Variants in WDR62 observed in about 807,000 individuals in gnomAD.
WDR62 encodes the protein WD repeat-containing protein 62.
Under a neutral mutation model 160.6 loss-of-function variants are expected in WDR62, and 112 were observed. The ratio of observed to expected loss-of-function variants is 0.70; its 90% CI spans 0.60 to 0.82. WDR62 has a LOEUF of 0.82. Among genes scored for constraint, WDR62 ranks in the 40% least tolerant of loss-of-function variants. The pLI is 0.00. For missense variants in WDR62, 1,819 were observed against 1,983.8 expected, an observed-to-expected ratio of 0.92 and a Z score of 1.58; for synonymous variants, 792 against 815.1, an observed-to-expected ratio of 0.97 and a Z score of 0.48.
intron 20 of WDR62, among the ~76,000 whole-genome samples, chr19:36,095,757 G>A (rs1316717272): frequency 6.6e-6 from 1 of 152,230 alleles, no homozygotes; most frequent in East Asian, 1.9e-4. Flanking sequence ...CTGCGCCACT[G>A]CACTCCAGCC....
chr19:36,086,598 G>A (rs1332336940), intron 12 of WDR62, 89 bp from the exon 13 acceptor site: 5 of 1,498,342 alleles, frequency 3.3e-6, no homozygotes, highest in Non-Finnish European at 2.7e-6. Flanking sequence ...CCTTCTCCGA[G>A]GACTGGGCAG....
Position 36,060,042 on chromosome 19 carries a change from C to T in WDR62, c.332+12C>T, listed in dbSNP as rs1212687397. On this transcript the variant is annotated intron_variant, in intron 3 of 31. Coordinates refer to ENST00000401500, the MANE Select transcript of WDR62 (RefSeq NM_001083961.2). ...TTTAACACCGCCAGGTAGGCTGAGG[C>T]CTGGGCCCGGGGCAGGGGTGGAACC... 1.9e-6 allele frequency: 3 copies of T among 1,614,070 alleles called. No homozygotes were observed. The highest frequency in any genetic ancestry group is 1.1e-5 in the South Asian group (1 of 91,086).
chr19:36,064,222 A>AT (rs1334606162), intron 3 of WDR62, among the ~76,000 whole-genome samples: 2 of 152,324 alleles, frequency 1.3e-5, no homozygotes, highest in Middle Eastern at 3.4e-3. Context: ...CCTGCATGTC[A>AT]TAAGTCCAGA....
chr19:36,098,822 C>T (rs938451968), intron 21 of WDR62, among the ~76,000 whole-genome samples: 1 of 152,164 alleles, frequency 6.6e-6, no homozygotes, highest in Non-Finnish European at 1.5e-5. Context: ...GTTCATGAAT[C>T]CCAGCTGGGC....
chr19:36,069,124 G>C (rs1343123439), intron 7 of WDR62, among the ~76,000 whole-genome samples: 1 of 148,188 alleles, frequency 6.7e-6, no homozygotes, highest in African/African-American at 2.5e-5. Context: ...GGCGGGGGCT[G>C]ACTCCCCCCA....
In WDR62 at chr19:36,084,683, G is replaced by A. The variant is rs1972099246; in HGVS notation, c.1581G>A (p.Leu527=). ...RIHELHFMDE[L]VKVEAHDAEV... Reference sequence around the variant, plus strand: ...ACGAGCTGCACTTCATGGACGAGCTGGTCAAGGTGGAGGCCCATGATGCTG... The same window carrying A: ...ACGAGCTGCACTTCATGGACGAGCTAGTCAAGGTGGAGGCCCATGATGCTG... Residue 527 remains leucine, a synonymous_variant, in exon 12 of 32, where the codon CTG becomes CTA. Transcript: ENST00000401500. The A allele has an allele frequency of 6.2e-7, 1 of 1,613,964 alleles. No individual in the cohort carries two copies. Among genetic ancestry groups the A allele is most frequent in the Non-Finnish European group, 8.5e-7 (1 of 1,180,014 alleles).
Position 36,054,930 on chromosome 19 carries a change from G to A in WDR62, c.-42G>A. 2 of 1,552,260 alleles carry A rather than the reference G, an allele frequency of 1.3e-6. No individual in the cohort carries two copies. Among genetic ancestry groups the A allele is most frequent in the South Asian group, 1.2e-5 (1 of 85,404 alleles). ...AGTGGGTCGTGGCGGTGGCGGCAGC[G>A]GCGGTTAGGGGATGTAACGGTCGCC... is the stretch of plus-strand genomic sequence containing the variant. On this transcript the variant is annotated 5_prime_UTR_variant, in exon 1 of 32. Transcript: ENST00000401500.
In WDR62 at chr19:36,060,011, C is replaced by T; in HGVS notation, c.313C>T (p.His105Tyr). 6.2e-7 allele frequency: 1 copy of T among 1,614,222 alleles called. No individual in the cohort carries two copies. The highest frequency in any genetic ancestry group is 8.5e-7 in the Non-Finnish European group (1 of 1,180,050). ...ILDPKENKQQ[H>Y]IFNTARKSLS... ...GGACCCCAAGGAGAACAAGCAGCAG[C>T]ACATCTTTAACACCGCCAGGTAGGC... The change falls in exon 3 of 32, where the codon CAC becomes TAC. Residue 105 changes from histidine to tyrosine, a missense_variant. His to Tyr is a moderately conservative substitution (Grantham distance 83). This residue lies in a region of WDR62 where 934 missense variants were observed against 1,157.2 expected (regional missense o/e 0.81). Coordinates refer to ENST00000401500, the MANE Select transcript of WDR62 (RefSeq NM_001083961.2).
In WDR62 at chr19:36,066,268, G is replaced by T. The variant is rs752398495; in HGVS notation, c.402G>T (p.Arg134Ser). The change falls in exon 5 of 32, where the codon AGG (arginine) becomes AGT (serine). Residue 134 changes from arginine to serine, a missense_variant. By Grantham distance (110) the Arg-to-Ser change is moderately radical. Transcript: ENST00000401500. The stretch of plus-strand genomic sequence containing the variant: ...CCCACCTTCCCTAGAATGGGCATAG[G>T]CCTGCTGTGCGCATCTGGGATGTGG... The part of the protein sequence containing the change: ...KYIVTGENGH[R>S]PAVRIWDVEE... The T allele has an allele frequency of 6.2e-7, 1 of 1,614,208 alleles. No individual in the cohort carries two copies. The highest frequency in any genetic ancestry group is 2.2e-5 in the East Asian group (1 of 44,894).
At chr19:36,098,228 C>T (rs1306360588) in intron 21 of WDR62, among the ~76,000 whole-genome samples, 1 of 151,378 alleles carries the variant, frequency 6.6e-6, no homozygotes, top group Non-Finnish European at 1.5e-5. Context: ...TGCTACTGCA[C>T]TCCAGCTTGG....
rs200939815 is a variant in WDR62 at position 36,067,924 on chromosome 19, G to A, written c.796G>A (p.Ala266Thr). The A allele has an allele frequency of 1.9e-6, 3 of 1,614,196 alleles. No homozygotes were observed. Among genetic ancestry groups the A allele is most frequent in the Middle Eastern group, 3.3e-4 (2 of 6,060 alleles). The change falls in exon 7 of 32, where the codon GCG becomes ACG. Residue 266 changes from alanine to threonine, a missense_variant. Transcript: ENST00000401500. The part of the protein sequence containing the change: ...CGVACGRGRM[A>T]GSTFCVSYSG... The stretch of plus-strand genomic sequence containing the variant: ...TGTGGCCTGCGGTCGGGGCCGGATG[G>A]CGGGCAGTACCTTCTGTGTGTCCTA...
intron 25 of WDR62, 109 bp downstream of exon 25, chr19:36,101,883 CG>C: frequency 6.5e-7 from 1 of 1,533,422 alleles, no homozygotes; most frequent in South Asian, 1.1e-5. Flanking sequence ...GCCTGGAAGA[CG>C]GGGATCCCTG....
chr19:36,078,155 T>TTTG (rs1471650369), intron 9 of WDR62, among the ~76,000 whole-genome samples: 1 of 151,450 alleles, frequency 6.6e-6, no homozygotes, highest in African/African-American at 2.4e-5. Flanking sequence ...TTTTTTTGTT[T>TTTG]TTTTTTTTTT....
chr19:36,102,347 G>A (rs750392141), intron 26 of WDR62, 196 bp downstream of exon 26: 6 of 734,686 alleles, frequency 8.2e-6, no homozygotes, highest in South Asian at 3.3e-5. Flanking sequence ...TGCAACCTCC[G>A]ACTCCCTGGT....
chr19:36,102,014 G>A lies in WDR62; in HGVS notation c.3083G>A (p.Gly1028Glu), dbSNP rs1291955558. The change falls in exon 26 of 32, where the codon GGA (glycine) becomes GAA (glutamate). Residue 1028 changes from glycine to glutamate, a missense_variant and splice_region_variant. Physicochemically the swap from Gly to Glu is moderately conservative, Grantham distance 98. Around this residue, in one of 3 missense-constraint regions of WDR62, gnomAD observed 770 missense variants for 734.2 expected, o/e 1.05. Coordinates refer to ENST00000401500, the MANE Select transcript of WDR62 (RefSeq NM_001083961.2). The stretch of plus-strand genomic sequence containing the variant: ...TGTCCCTCCCCTCCTTCCCTGTCAG[G>A]ATGCGCAGGTCCCACAGAAGATGAG... ...RFATSLPHFP[G>E]CAGPTEDELS... 2.5e-6 allele frequency: 4 copies of A among 1,614,118 alleles called. No individual in the cohort carries two copies. The highest frequency in any genetic ancestry group is 3.4e-6 in the Non-Finnish European group (4 of 1,180,036).
At chr19:36,081,767 G>A (rs760829783) in intron 10 of WDR62, 197 bp downstream of exon 10, 20 of 729,758 alleles carry the variant, frequency 2.7e-5, no homozygotes, top group Middle Eastern at 2.3e-4. Context: ...GAGGTGGCAC[G>A]CTCTATCCTC....
At chr19:36,073,941 G>T (rs2056397) in intron 9 of WDR62, 19,716 of 355,644 alleles carry the variant, frequency 0.055, 759 homozygotes, top group Non-Finnish European at 0.077. Context: ...CCTGCGGCAG[G>T]AACATGCACT....
Position 36,089,104 on chromosome 19 carries a change from A to C in WDR62, c.1835A>C (p.Gln612Pro). ...AGCATCTACTTTCGCAGTGCCCAGC[A>C]GGTAGGGTGGCATGGCCTCCTTGGG... ...DKSIYFRSAQ[Q>P]GSDGLHFVRT... The change falls in exon 14 of 32, where the codon CAG (glutamine) becomes CCG (proline). Residue 612 changes from glutamine to proline, a missense_variant and splice_region_variant. By Grantham distance (76) the Gln-to-Pro change is moderately conservative. This residue lies in a region of WDR62 where 934 missense variants were observed against 1,157.2 expected (regional missense o/e 0.81). Transcript: ENST00000401500. 2 of 1,605,754 alleles carry C rather than the reference A, an allele frequency of 1.2e-6. No individual in the cohort carries two copies. The highest frequency in any genetic ancestry group is 1.7e-6 in the Non-Finnish European group (2 of 1,173,562).
chr19:36,107,836 A>G (rs777643360), downstream of WDR62, among the ~76,000 whole-genome samples: 3 of 151,962 alleles, frequency 2.0e-5, no homozygotes, highest in Non-Finnish European at 2.9e-5. Flanking sequence ...ACCAGGATAA[A>G]CCACCTGGTT....
Sources: allele counts gnomAD v4.1 joint callset (sites outside exome capture counted in the v4.1 genomes callset), GRCh38; gene constraint gnomAD v4.1.1; regional missense constraint gnomAD v4.1.1; transcripts MANE v1.5; gene names NCBI Gene and HGNC (gene_info 2026-07-23, HGNC 2026-07-21).